Variants in LARGE1 observed in about 807,000 individuals in gnomAD.
The protein encoded by LARGE1 is xylosyl- and glucuronyltransferase LARGE1.
In LARGE1, 43 loss-of-function variants were observed where a neutral mutation model predicts 87.6. That is an observed-to-expected ratio of 0.49 (90% CI 0.38 to 0.63). The LOEUF is 0.63. Among genes scored for constraint, LARGE1 ranks in the 30% least tolerant of loss-of-function variants. The pLI, the probability that LARGE1 is intolerant of heterozygous loss-of-function variation, is 0.00. For synonymous variants in LARGE1, 434 were observed against 394.6 expected, an observed-to-expected ratio of 1.10 and a Z score of -1.18; for missense variants, 802 against 1,000.2, an observed-to-expected ratio of 0.80 and a Z score of 2.67.
chr22:33,600,501 C>T (rs1278486506), intron 5 of LARGE1, among the ~76,000 whole-genome samples: 4 of 152,124 alleles, frequency 2.6e-5, no homozygotes, highest in Non-Finnish European at 5.9e-5. Context: ...AACAAAGCAA[C>T]CCCTATGAAA....
chr22:33,521,527 G>A (rs1223954284), intron 6 of LARGE1, among the ~76,000 whole-genome samples: 2 of 152,200 alleles, frequency 1.3e-5, no homozygotes, highest in Non-Finnish European at 2.9e-5. Flanking sequence ...TCAGGTCTCT[G>A]CTTGTGTCAT....
downstream of LARGE1, among the ~76,000 whole-genome samples, chr22:33,268,207 GC>G (rs1432339160): frequency 6.6e-6 from 1 of 151,428 alleles, no homozygotes; most frequent in East Asian, 1.9e-4. Context: ...GCCTGCCTCA[GC>G]CTCCCAAAGT....
At chr22:33,784,267 A>G (rs1452381653) in intron 1 of LARGE1, among the ~76,000 whole-genome samples, 2 of 152,206 alleles carry the variant, frequency 1.3e-5, no homozygotes, top group African/African-American at 2.4e-5. Context: ...CTCTACATAC[A>G]TGAGTGCTTC....
chr22:33,572,060 C>A (rs2078221087), intron 5 of LARGE1: 1 of 480,838 alleles, frequency 2.1e-6, no homozygotes, highest in African/African-American at 2.0e-5. Context: ...ATCCTGCTTC[C>A]TTCCTAAGGC....
At chr22:33,447,665 T>G (rs963579151) in intron 6 of LARGE1, among the ~76,000 whole-genome samples, 3 of 152,164 alleles carry the variant, frequency 2.0e-5, no homozygotes, top group Non-Finnish European at 4.4e-5. Context: ...ATTCAAGAAA[T>G]TACTATGGTG....
chr22:33,795,832 C>T (rs1254751923), intron 1 of LARGE1, among the ~76,000 whole-genome samples: 1 of 151,896 alleles, frequency 6.6e-6, no homozygotes, highest in East Asian at 1.9e-4. Context: ...GGGAACATCA[C>T]ACACTGGGGT....
At chr22:33,881,049 T>C (rs144316026) in intron 1 of LARGE1, among the ~76,000 whole-genome samples, 119 of 143,454 alleles carry the variant, frequency 8.3e-4, no homozygotes, top group Middle Eastern at 3.9e-3. Context: ...AATAAGTAGC[T>C]TTTTTAATTT....
intron 6 of LARGE1, among the ~76,000 whole-genome samples, chr22:33,505,458 T>G (rs1176441810): frequency 6.6e-6 from 1 of 152,208 alleles, no homozygotes; most frequent in Non-Finnish European, 1.5e-5. Flanking sequence ...AGGCAGAGAC[T>G]GGGCTCGTTT....
the LARGE1 span, among the ~76,000 whole-genome samples, chr22:33,080,337 A>G: frequency 7.4e-4 from 112 of 152,360 alleles, no homozygotes; most frequent in African/African-American, 2.5e-3. Flanking sequence ...AACAACCACC[A>G]GATCTCAGTA....
intron 6 of LARGE1, among the ~76,000 whole-genome samples, chr22:33,546,497 C>T (rs190143977): frequency 2.0e-5 from 3 of 152,208 alleles, no homozygotes; most frequent in African/African-American, 7.2e-5. Context: ...TTTCTCTCAC[C>T]ATAGTCCTTT....
At chr22:33,799,249 G>A (rs2086081860) in intron 1 of LARGE1, among the ~76,000 whole-genome samples, 1 of 152,034 alleles carries the variant, frequency 6.6e-6, no homozygotes, top group African/African-American at 2.4e-5. Flanking sequence ...CGTGAAGTTA[G>A]ACTAAGCATC....
At chr22:33,785,120 TATGC>T (rs200378879) in intron 1 of LARGE1, among the ~76,000 whole-genome samples, 3,850 of 56,458 alleles carry the variant, frequency 0.068, 24 homozygotes, top group East Asian at 0.094. Context: ...CATATGTGTA[TATGC>T]ATATATGTGT....
intron 11 of LARGE1, among the ~76,000 whole-genome samples, chr22:33,197,896 T>C (rs1018043417): frequency 4.1e-5 from 5 of 122,904 alleles, no homozygotes; most frequent in Non-Finnish European, 8.7e-5. Flanking sequence ...CAAATCAGTA[T>C]GGAATTGGTA....
chr22:33,187,334 T>C (rs1923527942), intron 11 of LARGE1, among the ~76,000 whole-genome samples: 1 of 152,194 alleles, frequency 6.6e-6, no homozygotes, highest in African/African-American at 2.4e-5. Flanking sequence ...ATCCTGTCAT[T>C]TGTGACATGT....
At chr22:33,713,948 T>C (rs1207793472) in intron 2 of LARGE1, among the ~76,000 whole-genome samples, 1 of 151,200 alleles carries the variant, frequency 6.6e-6, no homozygotes, top group African/African-American at 2.4e-5. Context: ...AGCAAGACCC[T>C]GTCTCAAAGA....
chr22:33,548,603 T>C (rs112005053), intron 6 of LARGE1, among the ~76,000 whole-genome samples: 5 of 152,082 alleles, frequency 3.3e-5, no homozygotes, highest in African/African-American at 7.2e-5. Context: ...TTAGGAGAGA[T>C]AGGGTTTCTC....
Position 33,871,389 on chromosome 22 carries a change from G to A in LARGE1, c.-83+48606C>T, listed in dbSNP as rs558088608. On this transcript the variant is annotated intron_variant, in intron 1 of 14. Coordinates refer to ENST00000397394, the MANE Select transcript of LARGE1 (RefSeq NM_133642.5). ...ATATTGTGTGCCAGCACTGTGTCAG[G>A]TAAGGGGGATACAAAAGACACAGAC... Among the ~76,000 whole-genome samples the A allele has an allele frequency of 3.3e-5, 5 of 152,260 alleles. No individual in the cohort carries two copies. The East Asian group carries it at 7.7e-4, about 24-fold the overall frequency.
intron 7 of LARGE1, among the ~76,000 whole-genome samples, chr22:33,400,057 G>A (rs988710230): frequency 6.6e-6 from 1 of 152,168 alleles, no homozygotes; most frequent in Non-Finnish European, 1.5e-5. Flanking sequence ...CTCTTCTCTC[G>A]CTCAGAAATC....
At chr22:33,355,200 C>G (rs1412261746) in intron 9 of LARGE1, among the ~76,000 whole-genome samples, 1 of 152,168 alleles carries the variant, frequency 6.6e-6, no homozygotes. Context: ...TGTGTTCATT[C>G]GTACTATCCC....
Sources: allele counts gnomAD v4.1 joint callset (sites outside exome capture counted in the v4.1 genomes callset), GRCh38; gene constraint gnomAD v4.1.1; transcripts MANE v1.5; gene names NCBI Gene and HGNC (gene_info 2026-07-23, HGNC 2026-07-21).